ATM: variants seen among roughly 807,000 people sequenced by gnomAD.
The protein encoded by ATM is ATM serine/threonine kinase.
ATM carries 308 observed loss-of-function variants against 387.0 expected under a neutral mutation model. That is an observed-to-expected ratio of 0.80 (90% CI 0.73 to 0.87). The LOEUF (loss-of-function observed/expected upper bound fraction) is 0.87. Among genes scored for constraint, ATM ranks in the 40% least tolerant of loss-of-function variants. The pLI is 0.00. For synonymous variants in ATM, 1,156 were observed against 1,187.3 expected (o/e 0.97, Z 0.54); for missense variants, 3,312 against 3,560.9 (o/e 0.93, Z 1.78).
intron 11 of ATM, among the ~76,000 whole-genome samples, chr11:108,252,450 A>G (rs1419979516): frequency 1.3e-5 from 2 of 152,200 alleles, no homozygotes; most frequent in Non-Finnish European, 2.9e-5. Flanking sequence ...ACTAGGATAA[A>G]GGAATGGAGT....
intron 4 of ATM, among the ~76,000 whole-genome samples, chr11:108,233,706 G>T (rs2079131488): frequency 6.6e-6 from 1 of 151,978 alleles, no homozygotes; most frequent in African/African-American, 2.4e-5. Context: ...AATTAGCTGA[G>T]TGTAGTGGTG....
At chr11:108,325,216 T>C (rs1422800402) in intron 45 of ATM, 94 bp from the exon 46 acceptor site, 1 of 844,556 alleles carries the variant, frequency 1.2e-6, no homozygotes, top group East Asian at 2.6e-5. Flanking sequence ...TGTATTATTA[T>C]AATATTATAT....
chr11:108,309,017 G>A (rs1222017313), intron 38 of ATM: 1 of 1,528,182 alleles, frequency 6.5e-7, no homozygotes, highest in Non-Finnish European at 8.8e-7. Context: ...AGTTGGAGAA[G>A]ATAAAAATTC....
intron 47 of ATM, 37 bp downstream of exon 47, chr11:108,326,262 G>T (rs748381118): frequency 6.2e-7 from 1 of 1,610,848 alleles, no homozygotes; most frequent in South Asian, 1.1e-5. Flanking sequence ...GTGTTTTACT[G>T]TTATTTAAAA....
intron 56 of ATM, among the ~76,000 whole-genome samples, chr11:108,338,275 CG>C (rs2087078334): frequency 6.6e-6 from 1 of 152,114 alleles, no homozygotes; most frequent in South Asian, 2.1e-4. Flanking sequence ...CACTTAAACC[CG>C]GATGGCAGAG....
At chr11:108,302,733 A>G in intron 35 of ATM, 120 bp from the exon 36 acceptor site, 2 of 957,212 alleles carry the variant, frequency 2.1e-6, no homozygotes, top group South Asian at 1.6e-5. Context: ...CATTGCCTCC[A>G]GATTTAGTTT....
intron 39 of ATM, among the ~76,000 whole-genome samples, chr11:108,310,713 A>G (rs1443406894): frequency 6.6e-6 from 1 of 152,172 alleles, no homozygotes; most frequent in African/African-American, 2.4e-5. Flanking sequence ...TTCAAGATTC[A>G]TTTTGGATAT....
intron 47 of ATM, chr11:108,327,274 AC>A: frequency 7.2e-6 from 2 of 276,492 alleles, no homozygotes; most frequent in South Asian, 8.0e-5. Flanking sequence ...GTCTGGAGTT[AC>A]CCAACTTCCT....
chr11:108,252,095 A>G, intron 11 of ATM, 64 bp downstream of exon 11: 1 of 1,401,484 alleles, frequency 7.1e-7, no homozygotes, highest in Non-Finnish European at 1.0e-6. Flanking sequence ...CTCTCCACTT[A>G]TTTGATGCCA....
chr11:108,250,444 C>T (rs1051176210), intron 9 of ATM, among the ~76,000 whole-genome samples: 56 of 152,212 alleles, frequency 3.7e-4, no homozygotes, highest in African/African-American at 1.3e-3. Context: ...CCAAATATTG[C>T]TAATTTAATA....
At chr11:108,331,320 A>G in intron 50 of ATM, 124 bp from the exon 51 acceptor site, 1 of 1,465,672 alleles carries the variant, frequency 6.8e-7, no homozygotes, top group Non-Finnish European at 9.0e-7. Flanking sequence ...CAATATAGTT[A>G]GTGAAGTTTT....
At chr11:108,311,723 A>C (rs1310859282) in intron 39 of ATM, among the ~76,000 whole-genome samples, 1 of 152,150 alleles carries the variant, frequency 6.6e-6, no homozygotes, top group Admixed American at 6.5e-5. Flanking sequence ...AAAATTAAGA[A>C]ACTGGAATAT....
rs786203721 is a variant in ATM, at chr11:108,365,169, C to A, written c.8938C>A (p.Leu2980Ile). 16 of 1,614,104 alleles carry A rather than the reference C, an allele frequency of 9.9e-6. No individual in the cohort carries two copies. The highest frequency in any genetic ancestry group is 1.4e-5 in the Non-Finnish European group (16 of 1,180,040). The change falls in exon 62 of 63, where the codon CTT becomes ATT. Residue 2980 changes from leucine (L) to isoleucine (I), a missense_variant. Physicochemically the swap from Leu to Ile is conservative, Grantham distance 5. Coordinates refer to ENST00000675843, the MANE Select transcript of ATM (RefSeq NM_000051.4). The stretch of plus-strand genomic sequence containing the variant: ...GCAGAGGCCGGAAGATGAAACTGAG[C>A]TTCACCCTACTCTGAATGCAGATGA... ...LQQRPEDETE[L>I]HPTLNADDQE...
At position 108,325,413 on chromosome 11, in the gene ATM, C is replaced by G. The variant is rs745709682; in HGVS notation, c.6676C>G (p.Leu2226Val). ...TAGTTTTCAGGAGCCTATCATGGCT[C>G]TACGCACAGTCATTTTGGAGATCCT... ...DFSFQEPIMALRTVILEILME... is the reference protein window; with the variant it reads ...DFSFQEPIMAVRTVILEILME... The change falls in exon 46 of 63, where the codon CTA (leucine) becomes GTA (valine). Residue 2226 changes from leucine (L) to valine (V), a missense_variant. Leu to Val is a conservative substitution (Grantham distance 32). Transcript: ENST00000675843. 1 of 1,613,766 alleles carries G rather than the reference C, an allele frequency of 6.2e-7. No homozygotes were observed. Among genetic ancestry groups the G allele is most frequent in the South Asian group, 1.1e-5 (1 of 91,068 alleles).
chr11:108,325,723 G>T (rs1052226767), intron 46 of ATM, among the ~76,000 whole-genome samples, 179 bp downstream of exon 46: 1 of 152,020 alleles, frequency 6.6e-6, no homozygotes, highest in Non-Finnish European at 1.5e-5. Flanking sequence ...TTAAGCCTTG[G>T]GCAAGGGTAC....
rs1555054039 is a variant in ATM, at chr11:108,227,773, C to G, written c.73-3C>G. On this transcript the variant is annotated splice_region_variant and splice_polypyrimidine_tract_variant and intron_variant, in intron 2 of 62. Coordinates refer to ENST00000675843, the MANE Select transcript of ATM (RefSeq NM_000051.4). Reference sequence around the variant, plus strand: ...CCCATTATTATTTCCTTTTTATTTTCAGAAAGAAGTTGAGAAATTTAAGCG... The same window carrying G: ...CCCATTATTATTTCCTTTTTATTTTGAGAAAGAAGTTGAGAAATTTAAGCG... 6.2e-7 allele frequency: 1 copy of G among 1,613,154 alleles called. No individual in the cohort carries two copies. Among genetic ancestry groups the G allele is most frequent in the Non-Finnish European group, 8.5e-7 (1 of 1,179,498 alleles).
chr11:108,282,218 C>T (rs2082270800), intron 24 of ATM, among the ~76,000 whole-genome samples: 2 of 151,764 alleles, frequency 1.3e-5, no homozygotes, highest in South Asian at 2.1e-4. Flanking sequence ...AGCTCCGCCT[C>T]CTGGGTTCAT....
At chr11:108,249,305 G>A (rs1272192920) in intron 9 of ATM, among the ~76,000 whole-genome samples, 3 of 152,080 alleles carry the variant, frequency 2.0e-5, no homozygotes, top group Non-Finnish European at 4.4e-5. Context: ...CCAAGTGCAG[G>A]GCCACCTATT....
Position 108,312,744 on chromosome 11 carries a change from A to G in ATM, c.6006+246A>G, listed in dbSNP as rs375420708. On this transcript the variant is annotated intron_variant, in intron 40 of 62. Coordinates refer to ENST00000675843, the MANE Select transcript of ATM (RefSeq NM_000051.4). ...ACGAAGGTAAAACCACCTGTCTCAG[A>G]GTTTATGCCATGCATTTTCTGCCAT... Among the ~76,000 whole-genome samples the G allele has an allele frequency of 9.2e-5, 14 of 152,330 alleles. No individual in the cohort carries two copies. In the East Asian group the frequency reaches 1.2e-3, roughly 13 times the overall value.
Sources: gnomAD v4.1 joint callset for allele counts (sites outside exome capture counted in the v4.1 genomes callset) on GRCh38, gnomAD v4.1.1 for gene constraint, MANE v1.5 for transcripts, NCBI Gene and HGNC (gene_info 2026-07-23, HGNC 2026-07-21) for gene names.